NHS: variants seen among roughly 807,000 people sequenced by gnomAD.
The protein encoded by NHS is actin remodeling regulator NHS.
Under a neutral mutation model 72.5 loss-of-function variants are expected in NHS, and 5 were observed. The observed-to-expected ratio is 0.07, with a 90% CI of 0.04 to 0.14. The LOEUF (loss-of-function observed/expected upper bound fraction) is 0.14. Ranked by LOEUF, NHS falls within the 10% of genes least tolerant of loss-of-function variation. The pLI, the probability that NHS is intolerant of heterozygous loss-of-function variation, is 1.00. For missense variants in NHS, 1,072 were observed against 1,355.7 expected (o/e 0.79, Z 3.29); for synonymous variants, 464 against 547.7 (o/e 0.85, Z 2.13).
intron 1 of NHS, among the ~76,000 whole-genome samples, chrX:17,455,396 G>A (rs2064821889): frequency 9.0e-6 from 1 of 111,642 alleles, no homozygotes; most frequent in Non-Finnish European, 1.9e-5. Flanking sequence ...CCATTATCAT[G>A]ATAACATATT....
At chrX:17,474,789 T>C (rs1436851949) in intron 1 of NHS, among the ~76,000 whole-genome samples, 4 of 111,226 alleles carry the variant, frequency 3.6e-5, no homozygotes, top group Non-Finnish European at 5.7e-5. Context: ...ATCCCAGCAG[T>C]TGGGAGATGG....
intron 1 of NHS, among the ~76,000 whole-genome samples, chrX:17,494,041 G>A (rs763070930): frequency 7.4e-5 from 8 of 107,931 alleles, no homozygotes; most frequent in Non-Finnish European, 1.3e-4. Flanking sequence ...TGAGGCAATG[G>A]CTCTGGTGTG....
At chrX:17,438,735 AGCAAG>A (rs2064736376) in intron 1 of NHS, among the ~76,000 whole-genome samples, 1 of 112,054 alleles carries the variant, frequency 8.9e-6, no homozygotes, top group African/African-American at 3.2e-5. Context: ...GGATGTCTTC[AGCAAG>A]AAATAGTTCT....
intron 1 of NHS, among the ~76,000 whole-genome samples, chrX:17,460,073 A>G (rs1465084035): frequency 2.7e-5 from 3 of 111,423 alleles, no homozygotes; most frequent in Non-Finnish European, 3.8e-5. Flanking sequence ...GGTTGGGTGA[A>G]CAAGAGGTTA....
At chrX:17,556,954 T>C (rs1004586759) in intron 1 of NHS, among the ~76,000 whole-genome samples, 5 of 106,497 alleles carry the variant, frequency 4.7e-5, no homozygotes, top group Non-Finnish European at 9.5e-5. Flanking sequence ...GGAATGAAAG[T>C]TGACTGGCTT....
intron 1 of NHS, among the ~76,000 whole-genome samples, chrX:17,454,931 G>C (rs2064820105): frequency 9.0e-6 from 1 of 111,564 alleles, no homozygotes; most frequent in South Asian, 3.8e-4. Flanking sequence ...CAATAAGAGA[G>C]TTTAATTTTA....
At chrX:17,566,592 T>G (rs1248760582) in intron 1 of NHS, among the ~76,000 whole-genome samples, 1 of 111,565 alleles carries the variant, frequency 9.0e-6, no homozygotes, top group Non-Finnish European at 1.9e-5. Context: ...TTATGGAAGC[T>G]GAGAGCCGAG....
At chrX:17,717,415 T>C (rs377099923) in intron 3 of NHS, among the ~76,000 whole-genome samples, 15 of 112,563 alleles carry the variant, frequency 1.3e-4, no homozygotes, top group Admixed American at 4.7e-4. Context: ...CTCCAGGAAT[T>C]TGCAATCTAA....
chrX:17,578,213 C>T (rs749945262), intron 1 of NHS, among the ~76,000 whole-genome samples: 39 of 112,493 alleles, frequency 3.5e-4, no homozygotes, highest in Non-Finnish European at 6.4e-4. Flanking sequence ...ACATCCAATA[C>T]CTCATGTTAA....
At chrX:17,707,643 C>A (rs1202196576) in intron 3 of NHS, among the ~76,000 whole-genome samples, 1 of 111,412 alleles carries the variant, frequency 9.0e-6, no homozygotes, top group Non-Finnish European at 1.9e-5. Context: ...AAAAACGGGT[C>A]TTATGAGAAA....
At chrX:17,596,368 A>G (rs187467037) in intron 1 of NHS, among the ~76,000 whole-genome samples, 2 of 112,269 alleles carry the variant, frequency 1.8e-5, no homozygotes, top group Non-Finnish European at 3.8e-5. Context: ...AATGCAGCCA[A>G]TGGGACTAAT....
At position 17,712,261 on chromosome X, in the gene NHS, A is replaced by G. The variant is rs1229223504; in HGVS notation, c.853-7083A>G. Among the ~76,000 whole-genome samples, 184 of 60,163 alleles carry G rather than the reference A, an allele frequency of 3.1e-3. 5 individuals carry two copies. Among genetic ancestry groups the G allele is most frequent in the African/African-American group, 0.014 (166 of 12,092 alleles). The allele number at this position is 60,163 out of a possible 115,157, so 52.2% of individuals were successfully genotyped here. ...TGGCCTTTTGTGTGTGTGTATATAT[A>G]TATATATATATATATATATATATAT... On this transcript the variant is annotated intron_variant, in intron 3 of 8. Coordinates refer to ENST00000676302, the MANE Select transcript of NHS (RefSeq NM_001291867.2).
At chrX:17,494,865 T>A (rs1169570916) in intron 1 of NHS, among the ~76,000 whole-genome samples, 1 of 112,492 alleles carries the variant, frequency 8.9e-6, no homozygotes, top group Non-Finnish European at 1.9e-5. Flanking sequence ...TATTATAACA[T>A]CCCATGGATA....
intron 1 of NHS, among the ~76,000 whole-genome samples, chrX:17,633,572 G>A (rs780885782): frequency 8.9e-6 from 1 of 112,365 alleles, no homozygotes; most frequent in Non-Finnish European, 1.9e-5. Flanking sequence ...AAAGGTGAAA[G>A]GCAAGTTCAC....
intron 1 of NHS, among the ~76,000 whole-genome samples, chrX:17,543,660 T>A (rs1279282078): frequency 8.9e-6 from 1 of 112,131 alleles, no homozygotes; most frequent in Non-Finnish European, 1.9e-5. Flanking sequence ...TTGTTTTTTG[T>A]TTTTGTAGTT....
At chrX:17,652,622 A>T (rs1032176307) in intron 1 of NHS, among the ~76,000 whole-genome samples, 2 of 110,885 alleles carry the variant, frequency 1.8e-5, no homozygotes, top group Non-Finnish European at 3.8e-5. Context: ...TAATGAATTT[A>T]AAAAATTACA....
intron 1 of NHS, among the ~76,000 whole-genome samples, chrX:17,582,900 G>A (rs964596518): frequency 8.9e-6 from 1 of 112,434 alleles, no homozygotes; most frequent in Non-Finnish European, 1.9e-5. Context: ...AGTTAGGAGG[G>A]GCCATAGCCA....
rs763641131 is a variant in NHS at position 17,687,754 on chromosome X, T to A, written c.578T>A (p.Leu193Gln). The change falls in exon 2 of 9, where the codon CTG (leucine) becomes CAG (glutamine). Residue 193 changes from leucine (L) to glutamine (Q), a missense_variant. By Grantham distance (113) the Leu-to-Gln change is moderately radical. Transcript: ENST00000676302. ...TCTTGTCTTGCAGCCGTCTCCAACC[T>A]GGACATAGAGAGTAAGCTGAGTGTG... is the stretch of plus-strand genomic sequence containing the variant. ...PKQEAVPVSN[L>Q]DIESKLSVYY... The A allele has an allele frequency of 8.3e-7, 1 of 1,211,871 alleles. No homozygotes were observed. Among genetic ancestry groups the A allele is most frequent in the East Asian group, 3.0e-5 (1 of 33,817 alleles).
intron 5 of NHS, among the ~76,000 whole-genome samples, chrX:17,723,770 T>TGTGTGTGTGTGCGCGC (rs541219770): frequency 2.5e-4 from 23 of 91,315 alleles, no homozygotes; most frequent in East Asian, 6.8e-4. Flanking sequence ...TGTGTGTGTG[T>TGTGTGTGTGTGCGCGC]GCGCGCGCGT....
Sources: allele counts gnomAD v4.1 joint callset (sites outside exome capture counted in the v4.1 genomes callset), GRCh38; gene constraint gnomAD v4.1.1; transcripts MANE v1.5; gene names NCBI Gene and HGNC (gene_info 2026-07-23, HGNC 2026-07-21).